The following GPC4 variants were observed in gnomAD, a reference collection of about 807,000 sequenced individuals.
GPC4 encodes glypican 4.
Under a neutral mutation model 35.0 loss-of-function variants are expected in GPC4, and 10 were observed. The observed-to-expected ratio is 0.29, with a 90% confidence interval of 0.18 to 0.48. The LOEUF is 0.48. GPC4 is among the 20% of genes least tolerant of loss of function. GPC4 has a pLI of 0.99. For synonymous variants in GPC4, 167 were observed against 170.2 expected, an observed-to-expected ratio of 0.98 and a Z score of 0.15; for missense variants, 322 against 451.3, an observed-to-expected ratio of 0.71 and a Z score of 2.60.
intron 1 of GPC4, among the ~76,000 whole-genome samples, chrX:133,377,896 T>TTTTTTTTTTTTTTTTTTA (rs2068642376): frequency 9.8e-6 from 1 of 101,817 alleles, no homozygotes; most frequent in African/African-American, 3.6e-5. Flanking sequence ...TTTCTTTTTT[T>TTTTTTTTTTTTTTTTTTA]TTTTTTTTTT....
At chrX:133,364,394 C>A (rs1011622467) in intron 1 of GPC4, among the ~76,000 whole-genome samples, 2 of 111,705 alleles carry the variant, frequency 1.8e-5, no homozygotes, top group Non-Finnish European at 3.8e-5. Context: ...TCCATCTGGA[C>A]TGGCCTCAAA....
intron 1 of GPC4, among the ~76,000 whole-genome samples, chrX:133,385,357 T>C (rs2068684123): frequency 8.9e-6 from 1 of 112,194 alleles, no homozygotes; most frequent in African/African-American, 3.2e-5. Context: ...AGAAGAAATG[T>C]AAGAAACACC....
In GPC4 at chrX:133,311,301, C is replaced by T; in HGVS notation, c.834G>A (p.Leu278=). ...CAAAATCGAGATCCCCTTGGTTGGCCAAACAGCCTCTCATGATGTTTGAGC... is the reference window on the plus strand; with the variant it reads ...CAAAATCGAGATCCCCTTGGTTGGCTAAACAGCCTCTCATGATGTTTGAGC... ...NYCSNIMRGC[L]ANQGDLDFEW... The change falls in exon 4 of 9, where the codon TTG becomes TTA. Residue 278 remains leucine (L), a synonymous_variant. Coordinates refer to ENST00000370828, the MANE Select transcript of GPC4 (RefSeq NM_001448.3). 1 of 1,211,653 alleles carries T rather than the reference C, an allele frequency of 8.3e-7. No individual in the cohort carries two copies. The highest frequency in any genetic ancestry group is 1.1e-6 in the Non-Finnish European group (1 of 895,365).
At chrX:133,398,889 A>C (rs183879294) in intron 1 of GPC4, among the ~76,000 whole-genome samples, 3 of 111,748 alleles carry the variant, frequency 2.7e-5, no homozygotes, top group African/African-American at 9.7e-5. Flanking sequence ...GTGGCAAGGA[A>C]GGCTCCTTCC....
intron 1 of GPC4, among the ~76,000 whole-genome samples, chrX:133,411,095 C>T (rs1286911859): frequency 2.7e-5 from 3 of 112,610 alleles, no homozygotes; most frequent in Non-Finnish European, 5.6e-5. Flanking sequence ...CACATACACA[C>T]GTACTTTTTT....
At chrX:133,368,258 G>A (rs1364999860) in intron 1 of GPC4, among the ~76,000 whole-genome samples, 1 of 112,326 alleles carries the variant, frequency 8.9e-6, no homozygotes, top group Non-Finnish European at 1.9e-5. Context: ...GAGATTAACT[G>A]GATGTGTTGT....
chrX:133,405,298 G>C (rs761210784), intron 1 of GPC4, among the ~76,000 whole-genome samples: 1 of 110,333 alleles, frequency 9.1e-6, no homozygotes, highest in Non-Finnish European at 1.9e-5. Flanking sequence ...TAGTAGAGAC[G>C]GGGTTTCTCC....
rs955983344 is a variant in GPC4 at position 133,300,497 on chromosome X, G to A, written c.*2370C>T. On this transcript the variant is annotated 3_prime_UTR_variant, in exon 9 of 9. Transcript: ENST00000370828. ...TGCCTTTCTTCTTTTTTGGGGAGTGGGGGTGAGCTTGCCAGCTGCTTAGAA... is the reference window on the plus strand; with the variant it reads ...TGCCTTTCTTCTTTTTTGGGGAGTGAGGGTGAGCTTGCCAGCTGCTTAGAA... 1.8e-5 allele frequency: 2 copies of A among 111,372 alleles called. No individual in the cohort carries two copies. The highest frequency in any genetic ancestry group is 1.9e-4 in the Admixed American group (2 of 10,429). The allele number at this position is 111,372 out of a possible 1,213,427, so 9.2% of individuals were successfully genotyped here. A position where few individuals can be genotyped will look rare whatever the true frequency, so the allele number is the denominator to read the frequency against.
At chrX:133,341,091 C>T (rs987213505) in intron 1 of GPC4, among the ~76,000 whole-genome samples, 2 of 111,885 alleles carry the variant, frequency 1.8e-5, no homozygotes, top group African/African-American at 6.5e-5. Context: ...GTTGCTAAGG[C>T]TCGGTTTTAT....
chrX:133,409,654 G>A (rs1472672083), intron 1 of GPC4, among the ~76,000 whole-genome samples: 1 of 111,794 alleles, frequency 8.9e-6, no homozygotes, highest in African/African-American at 3.3e-5. Context: ...CAAAGACCAT[G>A]GACTGGTTCC....
intron 1 of GPC4, among the ~76,000 whole-genome samples, chrX:133,375,579 A>AT (rs1377591768): frequency 8.9e-6 from 1 of 112,457 alleles, no homozygotes; most frequent in African/African-American, 3.2e-5. Flanking sequence ...GTAGTTACAA[A>AT]TTTTTGAAAA....
At chrX:133,385,127 T>C (rs373716562) in intron 1 of GPC4, among the ~76,000 whole-genome samples, 3 of 112,414 alleles carry the variant, frequency 2.7e-5, no homozygotes, top group African/African-American at 9.7e-5. Flanking sequence ...ATAAAGTAAG[T>C]ATATTTAAGT....
chrX:133,339,662 T>G (rs1025483064), intron 1 of GPC4, among the ~76,000 whole-genome samples: 1 of 112,553 alleles, frequency 8.9e-6, no homozygotes, highest in Non-Finnish European at 1.9e-5. Context: ...ATTCTCATAT[T>G]CTATGCTAAA....
intron 1 of GPC4, among the ~76,000 whole-genome samples, chrX:133,362,894 C>G (rs1389521400): frequency 8.9e-6 from 1 of 112,038 alleles, no homozygotes; most frequent in Non-Finnish European, 1.9e-5. Flanking sequence ...GCACAGCTGT[C>G]TCCCACTACA....
At chrX:133,327,817 G>C (rs908161321) in intron 2 of GPC4, among the ~76,000 whole-genome samples, 1 of 110,958 alleles carries the variant, frequency 9.0e-6, no homozygotes, top group Non-Finnish European at 1.9e-5. Context: ...GGCTATATAA[G>C]TTGCAAATAT....
intron 4 of GPC4, among the ~76,000 whole-genome samples, chrX:133,309,949 T>A (rs897245986): frequency 8.9e-6 from 1 of 112,138 alleles, no homozygotes; most frequent in Non-Finnish European, 1.9e-5. Context: ...TTCATGAGAT[T>A]CTGCTTTTCT....
rs751266904 is a variant in GPC4 at position 133,394,841 on chromosome X, T to C, written c.160+19965A>G. On this transcript the variant is annotated intron_variant, in intron 1 of 8. Coordinates refer to ENST00000370828, the MANE Select transcript of GPC4 (RefSeq NM_001448.3). ...TCACCTGTTGTTTTGGTTGATCTTC[T>C]ATTGGAAGATCAGTAGAAGAAACAG... Among the ~76,000 whole-genome samples, 4 of 112,056 alleles carry C rather than the reference T, an allele frequency of 3.6e-5. No individual in the cohort carries two copies. In the South Asian group the frequency reaches 1.5e-3, roughly 42 times the overall value.
At chrX:133,304,663 T>A (rs2068282937) in intron 7 of GPC4, 62 bp downstream of exon 7, 1 of 1,176,538 alleles carries the variant, frequency 8.5e-7, no homozygotes, top group Non-Finnish European at 1.2e-6. Flanking sequence ...GAGAACCCTC[T>A]CTGAAGGTCA....
At chrX:133,398,241 T>C (rs1413343603) in intron 1 of GPC4, among the ~76,000 whole-genome samples, 1 of 111,286 alleles carries the variant, frequency 9.0e-6, no homozygotes, top group Non-Finnish European at 1.9e-5. Flanking sequence ...CTGCATTAAA[T>C]GGAGAGCTTG....
Sources: gnomAD v4.1 joint callset for allele counts (sites outside exome capture counted in the v4.1 genomes callset) on GRCh38, gnomAD v4.1.1 for gene constraint, MANE v1.5 for transcripts, NCBI Gene and HGNC (gene_info 2026-07-23, HGNC 2026-07-21) for gene names.